The following ZFHX3 variants were observed in gnomAD, a reference collection of about 807,000 sequenced individuals.
ZFHX3 encodes the protein zinc finger homeobox protein 3.
In ZFHX3, 42 loss-of-function variants were observed where a neutral mutation model predicts 279.1. The observed-to-expected ratio is 0.15, with a 90% CI of 0.12 to 0.19. The LOEUF (loss-of-function observed/expected upper bound fraction) is 0.19, where lower values mean the gene tolerates loss of function less well. ZFHX3 is among the 10% of genes least tolerant of loss of function. The pLI is 1.00. For missense variants in ZFHX3, 4,981 were observed against 4,754.0 expected, an observed-to-expected ratio of 1.05 and a Z score of -1.40; for synonymous variants, 2,293 against 1,957.8, an observed-to-expected ratio of 1.17 and a Z score of -4.52.
chr16:73,492,387 T>C (rs2019069543), intron 2 of ZFHX3, among the ~76,000 whole-genome samples: 1 of 152,172 alleles, frequency 6.6e-6, no homozygotes, highest in African/African-American at 2.4e-5. Context: ...TTGACTGGAA[T>C]CCACGTAAAA....
At chr16:73,030,267 A>G (rs1250570409) in intron 1 of ZFHX3, among the ~76,000 whole-genome samples, 1 of 152,224 alleles carries the variant, frequency 6.6e-6, no homozygotes, top group Non-Finnish European at 1.5e-5. Flanking sequence ...TTTGCCAGAC[A>G]TTTTTACTAA....
intron 3 of ZFHX3, among the ~76,000 whole-genome samples, chr16:73,409,428 C>T (rs945348707): frequency 2.6e-5 from 4 of 152,152 alleles, no homozygotes; most frequent in African/African-American, 9.7e-5. Flanking sequence ...TGTTTTCATG[C>T]CCCAGTTATA....
chr16:73,690,371 G>A (rs1467092759), intron 1 of ZFHX3, among the ~76,000 whole-genome samples: 1 of 152,202 alleles, frequency 6.6e-6, no homozygotes, highest in Non-Finnish European at 1.5e-5. Flanking sequence ...TCTGCTTGAA[G>A]CAGCTAGGTA....
At chr16:73,400,331 G>A (rs1265994361) in intron 3 of ZFHX3, 1 of 152,198 alleles carries the variant, frequency 6.6e-6, no homozygotes, top group African/African-American at 2.4e-5. Context: ...GTGTGTACAT[G>A]AGCTATTGGT....
chr16:73,375,411 T>C (rs1216353596), intron 3 of ZFHX3, among the ~76,000 whole-genome samples: 7 of 152,220 alleles, frequency 4.6e-5, no homozygotes, highest in Admixed American at 4.6e-4. Context: ...TGGGTCCTTT[T>C]AGTGAGAAGC....
At chr16:73,800,071 A>T in intron 1 of ZFHX3, among the ~76,000 whole-genome samples, 1 of 152,178 alleles carries the variant, frequency 6.6e-6, no homozygotes, top group Non-Finnish European at 1.5e-5. Context: ...TTTAATAATT[A>T]TTTAATAATT....
At chr16:72,875,740 G>A (rs1786339186) in intron 4 of ZFHX3, among the ~76,000 whole-genome samples, 1 of 152,216 alleles carries the variant, frequency 6.6e-6, no homozygotes, top group South Asian at 2.1e-4. Context: ...GCTGCTTAAA[G>A]CGATGTCTAA....
chr16:73,537,330 T>C (rs1296608239), intron 2 of ZFHX3, among the ~76,000 whole-genome samples: 1 of 145,170 alleles, frequency 6.9e-6, no homozygotes, highest in Admixed American at 6.9e-5. Flanking sequence ...TTTTTTTTTT[T>C]TTTTTTTTTT....
At chr16:73,484,067 CG>C (rs1241776814) in intron 2 of ZFHX3, among the ~76,000 whole-genome samples, 2 of 151,688 alleles carry the variant, frequency 1.3e-5, no homozygotes, top group Non-Finnish European at 1.5e-5. Context: ...CAGGAGGGTC[CG>C]GGGGGAAGAG....
chr16:73,309,743 T>C (rs2015279297), intron 4 of ZFHX3, among the ~76,000 whole-genome samples: 1 of 152,148 alleles, frequency 6.6e-6, no homozygotes, highest in Non-Finnish European at 1.5e-5. Context: ...TTGAATTTGA[T>C]CCAGCAGGAC....
At chr16:73,361,915 G>GA (rs547643820) in intron 3 of ZFHX3, among the ~76,000 whole-genome samples, 49 of 152,024 alleles carry the variant, frequency 3.2e-4, no homozygotes, top group African/African-American at 1.1e-3. Flanking sequence ...GACATGGTCT[G>GA]AAAAAAAATC....
chr16:73,798,275 G>T (rs1435541953), intron 1 of ZFHX3, among the ~76,000 whole-genome samples: 1 of 152,012 alleles, frequency 6.6e-6, no homozygotes, highest in Non-Finnish European at 1.5e-5. Flanking sequence ...TTCCTCTGGG[G>T]GTGGGGAGGC....
At chr16:73,466,550 T>C (rs1283979514) in intron 2 of ZFHX3, among the ~76,000 whole-genome samples, 1 of 152,142 alleles carries the variant, frequency 6.6e-6, no homozygotes, top group East Asian at 1.9e-4. Flanking sequence ...GCAAGCTTGA[T>C]TTAGTTACTT....
chr16:73,396,624 A>C (rs2017134534), intron 3 of ZFHX3, among the ~76,000 whole-genome samples: 1 of 152,180 alleles, frequency 6.6e-6, no homozygotes, highest in Non-Finnish European at 1.5e-5. Context: ...GCAGCAGGAG[A>C]GAGAGAGACA....
chr16:73,322,182 T>A (rs2015587885), intron 3 of ZFHX3, among the ~76,000 whole-genome samples: 1 of 151,982 alleles, frequency 6.6e-6, no homozygotes. Context: ...ACCAGCCTGG[T>A]CTGCATAATG....
In ZFHX3 at chr16:72,950,847, C is replaced by A; in HGVS notation, c.2838G>T (p.Gln946His). The change falls in exon 3 of 10, where the codon CAG becomes CAT. Residue 946 changes from glutamine (Q) to histidine (H), a missense_variant. By Grantham distance (24) the Gln-to-His change is conservative. Coordinates refer to ENST00000268489, the MANE Select transcript of ZFHX3 (RefSeq NM_006885.4). ...QTNDPSLKLF[Q>H]CAVCNKFTTD... ...TCGTGAACTTGTTGCAGACGGCGCACTGGAAGAGCTTCAGCGACGGGTCGT... is the reference window on the plus strand; with the variant it reads ...TCGTGAACTTGTTGCAGACGGCGCAATGGAAGAGCTTCAGCGACGGGTCGT... The A allele has an allele frequency of 1.2e-6, 2 of 1,614,152 alleles. No individual in the cohort carries two copies. The highest frequency in any genetic ancestry group is 1.7e-6 in the Non-Finnish European group (2 of 1,180,046).
intron 2 of ZFHX3, among the ~76,000 whole-genome samples, chr16:73,668,795 A>G (rs947055493): frequency 2.0e-5 from 3 of 152,226 alleles, no homozygotes; most frequent in African/African-American, 4.8e-5. Context: ...TTATGCAGCC[A>G]ACAAACATAT....
At chr16:73,293,181 A>G (rs953517370) in intron 4 of ZFHX3, among the ~76,000 whole-genome samples, 50 of 152,358 alleles carry the variant, frequency 3.3e-4, no homozygotes, top group African/African-American at 1.2e-3. Context: ...CATCAGAGGC[A>G]GCTGTGAGAA....
At chr16:73,359,514 T>C (rs1470650129) in intron 3 of ZFHX3, among the ~76,000 whole-genome samples, 2 of 152,104 alleles carry the variant, frequency 1.3e-5, no homozygotes, top group African/African-American at 4.8e-5. Flanking sequence ...ACAGGAGAGT[T>C]TAGAGGCGGA....
Sources: allele counts gnomAD v4.1 joint callset (sites outside exome capture counted in the v4.1 genomes callset), GRCh38; gene constraint gnomAD v4.1.1; transcripts MANE v1.5; gene names NCBI Gene and HGNC (gene_info 2026-07-23, HGNC 2026-07-21).